NKAIN3: variants seen among roughly 807,000 people sequenced by gnomAD.
NKAIN3 encodes the protein sodium/potassium transporting ATPase interacting 3, also known as sodium/potassium-transporting ATPase subunit beta-1-interacting protein 3.
In NKAIN3, 25 loss-of-function variants were observed where a neutral mutation model predicts 30.2. The observed-to-expected ratio is 0.83, with a 90% confidence interval of 0.60 to 1.16. The LOEUF (loss-of-function observed/expected upper bound fraction) is 1.16, where lower values mean the gene tolerates loss of function less well. NKAIN3 is among the 50% of genes most tolerant of loss of function. The probability of loss-of-function intolerance (pLI) is 0.00; values close to 1 mark genes in which losing one functional copy is unlikely to be tolerated. For synonymous variants in NKAIN3, 91 were observed against 89.6 expected, an observed-to-expected ratio of 1.02 and a Z score of -0.09; for missense variants, 225 against 254.1, an observed-to-expected ratio of 0.89 and a Z score of 0.78.
rs139719304 is a variant in NKAIN3 at position 62,935,216 on chromosome 8, T to A, written c.532+16703T>A. On this transcript the variant is annotated intron_variant, in intron 5 of 6. Coordinates refer to ENST00000623646, the MANE Select transcript of NKAIN3 (RefSeq NM_001304533.3). ...AAGTTCCACAGGGACACAACACTGT[T>A]CGGGGGACAGCAAGGACAGAATGTT... Among the ~76,000 whole-genome samples the A allele has an allele frequency of 3.9e-5, 6 of 152,270 alleles. No homozygotes were observed. In the East Asian group the frequency reaches 1.2e-3, roughly 29 times the overall value.
At chr8:62,285,853 C>T (rs577574210) in intron 1 of NKAIN3, among the ~76,000 whole-genome samples, 1 of 152,246 alleles carries the variant, frequency 6.6e-6, no homozygotes, top group African/African-American at 2.4e-5. Flanking sequence ...ATTTTCTATA[C>T]TTGAATATTG....
chr8:62,866,633 C>T (rs1409826138), intron 4 of NKAIN3, among the ~76,000 whole-genome samples: 1 of 152,032 alleles, frequency 6.6e-6, no homozygotes, highest in Non-Finnish European at 1.5e-5. Context: ...ATTAAGGTGC[C>T]TCATTTTTTA....
rs573911508 is a variant in NKAIN3 at position 62,810,028 on chromosome 8, G to T, written c.471+62899G>T. Among the ~76,000 whole-genome samples, 73 of 152,158 alleles carry T rather than the reference G, an allele frequency of 4.8e-4. No homozygotes were observed. The Middle Eastern group carries it at 0.02, about 43-fold the overall frequency. ...TTTATGAGGAAATCTTCCTCACAGG[G>T]TCCAAGGTGGAAGTCAGACCTTGAA... On this transcript the variant is annotated intron_variant, in intron 4 of 6. Transcript: ENST00000623646.
At chr8:62,464,038 C>A (rs1806077634) in intron 1 of NKAIN3, among the ~76,000 whole-genome samples, 1 of 152,112 alleles carries the variant, frequency 6.6e-6, no homozygotes, top group African/African-American at 2.4e-5. Flanking sequence ...CATGGGAAAC[C>A]TAGTGAAATC....
intron 3 of NKAIN3, among the ~76,000 whole-genome samples, chr8:62,659,981 C>T (rs1749770099): frequency 1.3e-5 from 2 of 152,162 alleles, no homozygotes; most frequent in Admixed American, 6.5e-5. Context: ...AATGTAAGTC[C>T]ATTAAACCTC....
chr8:62,948,621 A>T (rs1823192103), intron 5 of NKAIN3, among the ~76,000 whole-genome samples: 1 of 152,242 alleles, frequency 6.6e-6, no homozygotes, highest in East Asian at 1.9e-4. Flanking sequence ...AGTGTTTTAC[A>T]ACTTTAAAGT....
intron 4 of NKAIN3, among the ~76,000 whole-genome samples, chr8:62,836,552 T>C (rs1819370447): frequency 6.6e-6 from 1 of 152,130 alleles, no homozygotes; most frequent in African/African-American, 2.4e-5. Context: ...CCTTTTCTGG[T>C]TGTCTTCAAG....
chr8:62,822,898 A>G (rs1818893943), intron 4 of NKAIN3, among the ~76,000 whole-genome samples: 1 of 152,214 alleles, frequency 6.6e-6, no homozygotes, highest in African/African-American at 2.4e-5. Context: ...GGCATAGCCT[A>G]TTGTTCCTAG....
intron 3 of NKAIN3, among the ~76,000 whole-genome samples, chr8:62,630,351 C>A (rs925788634): frequency 6.6e-6 from 1 of 152,022 alleles, no homozygotes; most frequent in African/African-American, 2.4e-5. Flanking sequence ...ACAAATAATG[C>A]TCTGCAATAA....
chr8:62,923,912 A>G (rs1822358618), intron 5 of NKAIN3, among the ~76,000 whole-genome samples: 2 of 152,232 alleles, frequency 1.3e-5, no homozygotes, highest in African/African-American at 4.8e-5. Flanking sequence ...TATCATAAGC[A>G]TTCAAATGCC....
chr8:62,565,020 G>C (rs773410650), intron 1 of NKAIN3, among the ~76,000 whole-genome samples: 17 of 151,832 alleles, frequency 1.1e-4, no homozygotes, highest in Admixed American at 5.9e-4. Flanking sequence ...TCATACACTT[G>C]GAAAATCTCA....
At chr8:62,837,321 A>T (rs75590272) in intron 4 of NKAIN3, among the ~76,000 whole-genome samples, 3,954 of 152,226 alleles carry the variant, frequency 0.026, 165 homozygotes, top group African/African-American at 0.09. Flanking sequence ...GTGATGAATG[A>T]TTTAATAATG....
intron 1 of NKAIN3, among the ~76,000 whole-genome samples, chr8:62,309,938 A>G (rs1343632341): frequency 2.0e-5 from 3 of 150,332 alleles, no homozygotes; most frequent in East Asian, 1.9e-4. Context: ...TTGGAACTAT[A>G]TATCTCACAT....
At chr8:62,724,899 A>G (rs1815208334) in intron 3 of NKAIN3, among the ~76,000 whole-genome samples, 2 of 152,088 alleles carry the variant, frequency 1.3e-5, no homozygotes, top group South Asian at 2.1e-4. Flanking sequence ...ACACCCACCA[A>G]TGGGATTGCT....
chr8:62,285,850 A>G (rs1044772657), intron 1 of NKAIN3, among the ~76,000 whole-genome samples: 1 of 152,124 alleles, frequency 6.6e-6, no homozygotes, highest in Non-Finnish European at 1.5e-5. Flanking sequence ...TCAATTTTCT[A>G]TACTTGAATA....
chr8:62,576,630 A>G (rs1167578210), intron 1 of NKAIN3, among the ~76,000 whole-genome samples: 3 of 152,124 alleles, frequency 2.0e-5, no homozygotes, highest in Non-Finnish European at 4.4e-5. Flanking sequence ...ATGCATATAA[A>G]CAAATTCTAA....
At chr8:62,879,688 C>T (rs753195047) in intron 4 of NKAIN3, among the ~76,000 whole-genome samples, 16 of 152,108 alleles carry the variant, frequency 1.1e-4, no homozygotes, top group South Asian at 6.2e-4. Flanking sequence ...TCTGCTTAGG[C>T]CAATGCTCCC....
At chr8:62,961,186 C>A (rs145955363) in intron 6 of NKAIN3, among the ~76,000 whole-genome samples, 3,495 of 152,000 alleles carry the variant, frequency 0.023, 55 homozygotes, top group South Asian at 0.033. Flanking sequence ...AAGGCTGAGG[C>A]AGGAGAACCA....
rs1012371587 is a variant in NKAIN3, at chr8:62,850,363, T to C, written c.472-68090T>C. ...GTAGATTCTGCATATTAGCCCTTTG[T>C]CAGATGAGTAGATTGCAAAAATTTT... On this transcript the variant is annotated intron_variant, in intron 4 of 6. Transcript: ENST00000623646. Among the ~76,000 whole-genome samples, 31 of 152,242 alleles carry C rather than the reference T, an allele frequency of 2.0e-4. 1 individual carries two copies. Among genetic ancestry groups the C allele is most frequent in the African/African-American group, 6.0e-4 (25 of 41,556 alleles).
Sources: gnomAD v4.1 joint callset for allele counts (sites outside exome capture counted in the v4.1 genomes callset) on GRCh38, gnomAD v4.1.1 for gene constraint, MANE v1.5 for transcripts, NCBI Gene and HGNC (gene_info 2026-07-23, HGNC 2026-07-21) for gene names.